Variants in SOX6 observed in about 807,000 individuals in gnomAD.
The protein encoded by SOX6 is SRY-box transcription factor 6.
A neutral mutation model predicts 97.8 loss-of-function variants in SOX6; 11 were observed. The observed-to-expected ratio is 0.11, with a 90% confidence interval of 0.07 to 0.19. The LOEUF (loss-of-function observed/expected upper bound fraction) is 0.19. SOX6 is among the 10% of genes least tolerant of loss of function. SOX6 has a pLI of 1.00. For missense variants in SOX6, 810 were observed against 1,039.5 expected, an observed-to-expected ratio of 0.78 and a Z score of 3.04; for synonymous variants, 360 against 371.4, an observed-to-expected ratio of 0.97 and a Z score of 0.35.
chr11:16,605,371 G>T lies in SOX6; in HGVS notation n.609+6710C>A, dbSNP rs1848323293. Among the ~76,000 whole-genome samples, 1 of 152,148 alleles carries T rather than the reference G, an allele frequency of 6.6e-6. No homozygotes were observed. Among genetic ancestry groups the T allele is most frequent in the Non-Finnish European group, 1.5e-5 (1 of 68,008 alleles). On this transcript the variant is annotated intron_variant and non_coding_transcript_variant, in intron 4 of 5. Coordinates refer to the SOX6 transcript ENST00000524520. The surrounding 1 kb of genome is among the most constrained non-coding windows in gnomAD (Gnocchi z 5.3). ...AGGCACCACTGCCCTCGCGGCCAGG[G>T]TAAAGAGGACCACAGATCAGTCAGC...
intron 3 of SOX6, among the ~76,000 whole-genome samples, chr11:16,711,753 G>C (rs1259247229): frequency 1.3e-5 from 2 of 151,856 alleles, no homozygotes; most frequent in Admixed American, 6.6e-5. Context: ...TGGGGTACAG[G>C]TGGTATTTGG....
chr11:16,404,757 T>C (rs1031340050), intron 1 of SOX6, among the ~76,000 whole-genome samples: 1 of 152,004 alleles, frequency 6.6e-6, no homozygotes, highest in East Asian at 1.9e-4. Context: ...AATGGGATGA[T>C]TAGAATTTCA....
chr11:16,225,661 C>T (rs188553971), intron 4 of SOX6, among the ~76,000 whole-genome samples: 1 of 152,188 alleles, frequency 6.6e-6, no homozygotes, highest in East Asian at 1.9e-4. Context: ...TTAGATCCAT[C>T]CTGACCCTTT....
At chr11:16,511,339 C>T (rs577155508) in intron 4 of SOX6, among the ~76,000 whole-genome samples, 1 of 152,238 alleles carries the variant, frequency 6.6e-6, no homozygotes, top group South Asian at 2.1e-4. Context: ...CCATCTGGTG[C>T]TCCTTCTGCA....
At chr11:16,543,953 ATAAC>A (rs1847584300) in intron 4 of SOX6, among the ~76,000 whole-genome samples, 1 of 152,224 alleles carries the variant, frequency 6.6e-6, no homozygotes. Context: ...ACTATTCACA[ATAAC>A]TAAAGGGTAG....
chr11:16,730,474 ACAACCT>A (rs1848341219), intron 2 of SOX6, among the ~76,000 whole-genome samples: 1 of 152,214 alleles, frequency 6.6e-6, no homozygotes, highest in Non-Finnish European at 1.5e-5. Flanking sequence ...TGGAAACTGA[ACAACCT>A]GCTCCTGAAT....
At chr11:16,127,390 G>A (rs936641730) in intron 6 of SOX6, among the ~76,000 whole-genome samples, 1 of 151,906 alleles carries the variant, frequency 6.6e-6, no homozygotes, top group Non-Finnish European at 1.5e-5. Context: ...TGTAAAATTA[G>A]TAATACTGAA....
intron 4 of SOX6, among the ~76,000 whole-genome samples, chr11:16,232,188 G>A (rs1429411876): frequency 6.6e-6 from 1 of 151,750 alleles, no homozygotes; most frequent in East Asian, 1.9e-4. Context: ...TAATTTAGGT[G>A]GATAATAACT....
At chr11:16,514,279 T>C (rs1860927670) in intron 4 of SOX6, among the ~76,000 whole-genome samples, 1 of 151,902 alleles carries the variant, frequency 6.6e-6, no homozygotes, top group South Asian at 2.1e-4. Flanking sequence ...TTACATGTTC[T>C]TTAAATGAAT....
At chr11:15,993,865 G>T (rs1305116822) in intron 13 of SOX6, among the ~76,000 whole-genome samples, 1 of 152,176 alleles carries the variant, frequency 6.6e-6, no homozygotes, top group Non-Finnish European at 1.5e-5. Flanking sequence ...ATAGCCTCTG[G>T]CAATGGTCCT....
At chr11:16,066,986 T>G (rs1848108521) in intron 9 of SOX6, among the ~76,000 whole-genome samples, 1 of 152,180 alleles carries the variant, frequency 6.6e-6, no homozygotes, top group Admixed American at 6.5e-5. Context: ...ATAGGGCCTG[T>G]AGCCCCTTTG....
intron 4 of SOX6, among the ~76,000 whole-genome samples, chr11:16,530,710 T>C (rs768269968): frequency 4.6e-5 from 7 of 152,030 alleles, no homozygotes; most frequent in African/African-American, 1.2e-4. Flanking sequence ...CACTGATGAA[T>C]TGAAGGTAAA....
chr11:16,560,698 T>C (rs939645979), intron 4 of SOX6, among the ~76,000 whole-genome samples: 3 of 152,032 alleles, frequency 2.0e-5, no homozygotes, highest in Admixed American at 1.3e-4. Flanking sequence ...GGCTACAACT[T>C]TGCCAGGATG....
intron 3 of SOX6, among the ~76,000 whole-genome samples, chr11:16,690,372 C>G (rs980117361): frequency 6.6e-6 from 1 of 152,182 alleles, no homozygotes; most frequent in African/African-American, 2.4e-5. Flanking sequence ...TCTCTCCAGA[C>G]TATTATCTCT....
chr11:16,215,426 A>C (rs2134148759), intron 4 of SOX6, among the ~76,000 whole-genome samples: 1 of 152,332 alleles, frequency 6.6e-6, no homozygotes, highest in Non-Finnish European at 1.5e-5. Context: ...ATGATTCATA[A>C]GTTTTTGCAG....
chr11:16,561,553 G>C (rs1481231926), intron 4 of SOX6, among the ~76,000 whole-genome samples: 1 of 152,060 alleles, frequency 6.6e-6, no homozygotes, highest in Non-Finnish European at 1.5e-5. Context: ...TGCCTGACTA[G>C]AACAATAGGT....
intron 13 of SOX6, among the ~76,000 whole-genome samples, chr11:15,996,731 A>G (rs1854238459): frequency 6.6e-6 from 1 of 152,194 alleles, no homozygotes; most frequent in South Asian, 2.1e-4. Context: ...GAAAGCAGAG[A>G]GGAGAAATAG....
chr11:16,252,805 A>G (rs376267368), intron 3 of SOX6, among the ~76,000 whole-genome samples: 94 of 151,978 alleles, frequency 6.2e-4, no homozygotes, highest in African/African-American at 2.2e-3. Context: ...ACTCCAGCCC[A>G]CTCCAGCCAT....
At chr11:16,402,334 ATTTC>A (rs1858582455) in intron 1 of SOX6, among the ~76,000 whole-genome samples, 1 of 151,650 alleles carries the variant, frequency 6.6e-6, no homozygotes, top group Non-Finnish European at 1.5e-5. Flanking sequence ...GGTGAAACAA[ATTTC>A]TTTCATATTT....
Sources: allele counts gnomAD v4.1 joint callset (sites outside exome capture counted in the v4.1 genomes callset), GRCh38; gene constraint gnomAD v4.1.1; non-coding constraint Gnocchi (gnomAD v3.1); transcripts MANE v1.5; gene names NCBI Gene and HGNC (gene_info 2026-07-23, HGNC 2026-07-21).